PLPPR1: variants seen among roughly 807,000 people sequenced by gnomAD.
The protein encoded by PLPPR1 is phospholipid phosphatase-related protein type 1.
A neutral mutation model predicts 33.1 loss-of-function variants in PLPPR1; 10 were observed. That is an observed-to-expected ratio of 0.30 (90% CI 0.19 to 0.51). PLPPR1 has a LOEUF of 0.51. Ranked by LOEUF, PLPPR1 falls within the 20% of genes least tolerant of loss-of-function variation. PLPPR1 has a pLI of 0.97. For synonymous variants in PLPPR1, 151 were observed against 151.0 expected, an observed-to-expected ratio of 1.00 and a Z score of 0.00; for missense variants, 304 against 408.1, an observed-to-expected ratio of 0.74 and a Z score of 2.20.
intron 1 of PLPPR1, among the ~76,000 whole-genome samples, chr9:101,131,169 CA>C (rs1276928849): frequency 6.6e-6 from 1 of 152,084 alleles, no homozygotes; most frequent in Non-Finnish European, 1.5e-5. Flanking sequence ...ATTTTAAAAA[CA>C]TTGCCTATTG....
At chr9:101,151,713 A>G (rs1437219497) in intron 1 of PLPPR1, among the ~76,000 whole-genome samples, 1 of 152,194 alleles carries the variant, frequency 6.6e-6, no homozygotes, top group Non-Finnish European at 1.5e-5. Context: ...CTCCCAGTCC[A>G]TAAATGAGTG....
rs568417415 is a variant in PLPPR1, at chr9:101,294,497, A to C, written c.385+8261A>C. On this transcript the variant is annotated intron_variant, in intron 4 of 7. Transcript: ENST00000374874. ...TACCAAAGCCTGGCACAGACACAAC[A>C]AAAAAAGAGAATTTTAGACCAATAT... Among the ~76,000 whole-genome samples the C allele has an allele frequency of 9.0e-3, 1,373 of 151,892 alleles. 13 individuals are homozygous for C. Among genetic ancestry groups the C allele is most frequent in the African/African-American group, 0.029 (1,215 of 41,290 alleles).
chr9:101,152,007 C>T (rs1390645742), intron 1 of PLPPR1, among the ~76,000 whole-genome samples: 3 of 152,162 alleles, frequency 2.0e-5, no homozygotes, highest in East Asian at 1.9e-4. Flanking sequence ...AGTTTACAGT[C>T]CCACCAACAG....
At chr9:101,168,083 C>T (rs996673325) in intron 1 of PLPPR1, among the ~76,000 whole-genome samples, 4 of 152,130 alleles carry the variant, frequency 2.6e-5, no homozygotes, top group Non-Finnish European at 4.4e-5. Context: ...AATTACGTCC[C>T]ACCAGATCCC....
chr9:101,083,706 A>G (rs757446534), intron 1 of PLPPR1, among the ~76,000 whole-genome samples: 13 of 151,916 alleles, frequency 8.6e-5, no homozygotes, highest in Non-Finnish European at 1.9e-4. Flanking sequence ...TCCTTTATCT[A>G]TTTTAAAGAA....
In PLPPR1 at chr9:101,290,799, C is replaced by T. The variant is rs561627579; in HGVS notation, c.385+4563C>T. 1.0e-3 allele frequency among the ~76,000 whole-genome samples: 155 copies of T among 152,140 alleles called. 1 individual carries two copies. The highest frequency in any genetic ancestry group is 3.5e-3 in the African/African-American group (144 of 41,520). ...CTATGAATCCGATCCTTTCCTGATC[C>T]GGGAGCCAAGATGGCCGAATAGGAA... On this transcript the variant is annotated intron_variant, in intron 4 of 7. Coordinates refer to ENST00000374874, the MANE Select transcript of PLPPR1 (RefSeq NM_207299.2).
intron 2 of PLPPR1, among the ~76,000 whole-genome samples, chr9:101,220,503 T>C (rs1826908358): frequency 1.3e-5 from 2 of 152,226 alleles, no homozygotes; most frequent in Admixed American, 1.3e-4. Flanking sequence ...AGATAAGGCT[T>C]GATCCAGCAG....
At chr9:101,137,960 C>G (rs1831398539) in intron 1 of PLPPR1, among the ~76,000 whole-genome samples, 4 of 152,312 alleles carry the variant, frequency 2.6e-5, no homozygotes, top group African/African-American at 9.6e-5. Context: ...GATCCTCTGA[C>G]TAAAATCCTG....
At chr9:101,298,379 G>A (rs1178562418) in intron 4 of PLPPR1, among the ~76,000 whole-genome samples, 1 of 152,098 alleles carries the variant, frequency 6.6e-6, no homozygotes, top group Non-Finnish European at 1.5e-5. Flanking sequence ...TTCATGTAAC[G>A]CTAATTAATT....
rs529850574 is a variant in PLPPR1 at position 101,112,830 on chromosome 9, C to CTTGT, written c.-45-72609_-45-72606dup. On this transcript the variant is annotated intron_variant, in intron 1 of 7. Transcript: ENST00000374874. ...GTCAAATGCCAGGTGGCAGCACTTG[C>CTTGT]TTGTTTGTTTGTTTATCATTTATGT... Among the ~76,000 whole-genome samples the CTTGT allele has an allele frequency of 3.6e-3, 544 of 152,314 alleles. 3 individuals are homozygous for CTTGT. Among genetic ancestry groups the CTTGT allele is most frequent in the African/African-American group, 0.012 (507 of 41,558 alleles).
intron 1 of PLPPR1, among the ~76,000 whole-genome samples, chr9:101,163,873 G>A (rs1297124082): frequency 2.5e-4 from 38 of 152,194 alleles, no homozygotes; most frequent in Non-Finnish European, 8.8e-5. Context: ...ACCACCCTGT[G>A]AGGTGTGGAG....
intron 1 of PLPPR1, among the ~76,000 whole-genome samples, chr9:101,156,552 C>CAAAAAAAAAAAAAAAAAAAAAAA (rs1162056636): frequency 9.8e-5 from 7 of 71,288 alleles, no homozygotes; most frequent in Non-Finnish European, 1.5e-4. Flanking sequence ...ACCCTGTCTC[C>CAAAAAAAAAAAAAAAAAAAAAAA]AAAAAAAAAA....
intron 5 of PLPPR1, among the ~76,000 whole-genome samples, chr9:101,311,191 C>T (rs1828948302): frequency 6.6e-6 from 1 of 152,102 alleles, no homozygotes. Context: ...ACTGTCTCAA[C>T]AAATGAGATA....
chr9:101,304,430 G>A (rs1312445442), intron 4 of PLPPR1, among the ~76,000 whole-genome samples: 2 of 152,164 alleles, frequency 1.3e-5, no homozygotes, highest in Non-Finnish European at 2.9e-5. Flanking sequence ...ATACAATGAT[G>A]AGCAAAAACA....
At chr9:101,263,254 C>G (rs970950542) in intron 2 of PLPPR1, among the ~76,000 whole-genome samples, 1 of 152,204 alleles carries the variant, frequency 6.6e-6, no homozygotes, top group Non-Finnish European at 1.5e-5. Context: ...AAAGGAAGAA[C>G]TCCTGTCTGG....
chr9:101,221,420 G>A (rs927114199), intron 2 of PLPPR1, among the ~76,000 whole-genome samples: 1 of 152,192 alleles, frequency 6.6e-6, no homozygotes. Flanking sequence ...TCTTTGGAGA[G>A]GCTTCCCCAG....
chr9:101,313,983 T>C (rs1224413096), intron 6 of PLPPR1, among the ~76,000 whole-genome samples: 2 of 152,236 alleles, frequency 1.3e-5, no homozygotes, highest in Non-Finnish European at 2.9e-5. Context: ...AATGTATCCA[T>C]AATTCCTTTT....
rs112867972 is a variant in PLPPR1 at position 101,070,909 on chromosome 9, G to A, written c.-46+41807G>A. Among the ~76,000 whole-genome samples, 173 of 152,242 alleles carry A rather than the reference G, an allele frequency of 1.1e-3. 1 individual carries two copies. Among genetic ancestry groups the A allele is most frequent in the African/African-American group, 4.0e-3 (165 of 41,548 alleles). On this transcript the variant is annotated intron_variant, in intron 1 of 7. Transcript: ENST00000374874. ...GAGGTGCTTCACATTTATTTGCTGA[G>A]TTAAAATGAATTAATCAATTTACAA...
chr9:101,189,458 C>G, intron 2 of PLPPR1, among the ~76,000 whole-genome samples: 1 of 151,684 alleles, frequency 6.6e-6, no homozygotes, highest in East Asian at 2.0e-4. Context: ...CGCTGGTCAA[C>G]TTTTCCTGAA....
Sources: gnomAD v4.1 joint callset for allele counts (sites outside exome capture counted in the v4.1 genomes callset) on GRCh38, gnomAD v4.1.1 for gene constraint, MANE v1.5 for transcripts, NCBI Gene and HGNC (gene_info 2026-07-23, HGNC 2026-07-21) for gene names.